The following DOCK1 variants were observed in gnomAD, a reference collection of about 807,000 sequenced individuals.
DOCK1 encodes dedicator of cytokinesis 1.
DOCK1 carries 138 observed loss-of-function variants against 262.7 expected under a neutral mutation model. The observed-to-expected ratio is 0.53, with a 90% CI of 0.46 to 0.61. The LOEUF (loss-of-function observed/expected upper bound fraction) is 0.61. Among genes scored for constraint, DOCK1 ranks in the 20% least tolerant of loss-of-function variants. The pLI is 0.00. For missense variants in DOCK1, 1,908 were observed against 2,370.7 expected, an observed-to-expected ratio of 0.80 and a Z score of 4.05; for synonymous variants, 866 against 867.4, an observed-to-expected ratio of 1.00 and a Z score of 0.03.
intron 4 of DOCK1, 108 bp from the exon 5 acceptor site, chr10:126,987,413 A>G (rs2039483895): frequency 2.5e-6 from 2 of 786,236 alleles, no homozygotes; most frequent in Non-Finnish European, 4.1e-6. Context: ...TTTTCTTCCC[A>G]TTTGCTTAAT....
chr10:127,353,552 C>G (rs1357736224), intron 31 of DOCK1, among the ~76,000 whole-genome samples: 1 of 152,238 alleles, frequency 6.6e-6, no homozygotes, highest in African/African-American at 2.4e-5. Context: ...ATGCCCCCTC[C>G]TTAACCGAGT....
At chr10:127,389,628 T>C (rs915153630) in intron 38 of DOCK1, among the ~76,000 whole-genome samples, 8 of 152,202 alleles carry the variant, frequency 5.3e-5, no homozygotes, top group African/African-American at 1.9e-4. Flanking sequence ...AGGTGGGGCC[T>C]GGTGGGAGGT....
intron 29 of DOCK1, among the ~76,000 whole-genome samples, chr10:127,335,975 C>CA (rs1437692942): frequency 6.6e-6 from 1 of 151,876 alleles, no homozygotes; most frequent in Non-Finnish European, 1.5e-5. Flanking sequence ...CTTGGCCTCC[C>CA]AAAGTGCTGG....
intron 1 of DOCK1, among the ~76,000 whole-genome samples, chr10:126,921,551 G>A (rs921322420): frequency 9.9e-5 from 15 of 152,198 alleles, no homozygotes; most frequent in African/African-American, 3.6e-4. Context: ...CCGGGACTAG[G>A]GGAGGGCGTG....
intron 47 of DOCK1, among the ~76,000 whole-genome samples, chr10:127,428,243 T>C (rs1356877289): frequency 1.3e-5 from 2 of 152,248 alleles, no homozygotes; most frequent in East Asian, 3.8e-4. Context: ...TTCTCAGTCA[T>C]TTAATGTATA....
intron 35 of DOCK1, among the ~76,000 whole-genome samples, chr10:127,378,499 A>G (rs1046011224): frequency 1.3e-5 from 2 of 152,144 alleles, no homozygotes; most frequent in East Asian, 1.9e-4. Context: ...AAGGTTTTAT[A>G]TAGAAATTGG....
intron 27 of DOCK1, among the ~76,000 whole-genome samples, chr10:127,232,815 A>T (rs927885583): frequency 6.6e-6 from 1 of 152,238 alleles, no homozygotes; most frequent in Non-Finnish European, 1.5e-5. Context: ...TGTGAAAAAC[A>T]TACTCAGTTT....
intron 2 of DOCK1, among the ~76,000 whole-genome samples, chr10:126,976,554 G>A (rs1397106624): frequency 6.6e-6 from 1 of 152,128 alleles, no homozygotes; most frequent in African/African-American, 2.4e-5. Flanking sequence ...CAGTTGCTGT[G>A]ACAATGGCCC....
At chr10:127,067,343 C>T (rs1157382936) in intron 23 of DOCK1, among the ~76,000 whole-genome samples, 1 of 152,174 alleles carries the variant, frequency 6.6e-6, no homozygotes, top group East Asian at 1.9e-4. Flanking sequence ...AATATTACTA[C>T]CTTCCCTTAG....
intron 30 of DOCK1, among the ~76,000 whole-genome samples, chr10:127,342,852 TTTTCC>T (rs2063491774): frequency 6.6e-6 from 1 of 152,210 alleles, no homozygotes; most frequent in African/African-American, 2.4e-5. Context: ...TTTACATTTG[TTTTCC>T]TTGTCTAGTG....
intron 7 of DOCK1, 58 bp downstream of exon 7, chr10:126,996,941 T>C (rs901561830): frequency 6.7e-6 from 10 of 1,492,268 alleles, no homozygotes; most frequent in South Asian, 1.4e-5. Flanking sequence ...TTTTCAACAT[T>C]AGTAAAGTAT....
chr10:127,143,743 G>T (rs946412096), intron 27 of DOCK1, among the ~76,000 whole-genome samples: 1 of 152,188 alleles, frequency 6.6e-6, no homozygotes, highest in Non-Finnish European at 1.5e-5. Context: ...CCCCTTGCAT[G>T]GGAGGTGAAT....
chr10:127,266,259 G>A (rs898749383), intron 29 of DOCK1, among the ~76,000 whole-genome samples: 2 of 152,130 alleles, frequency 1.3e-5, no homozygotes, highest in African/African-American at 4.8e-5. Context: ...AGAAACTCTT[G>A]GATTATTACT....
chr10:127,229,862 G>A (rs1389917447), intron 27 of DOCK1, among the ~76,000 whole-genome samples: 2 of 152,018 alleles, frequency 1.3e-5, no homozygotes, highest in Non-Finnish European at 2.9e-5. Context: ...AGCACACAGG[G>A]GCTCCCGTTT....
At chr10:126,941,684 G>C (rs1012988333) in intron 1 of DOCK1, among the ~76,000 whole-genome samples, 6 of 152,188 alleles carry the variant, frequency 3.9e-5, no homozygotes, top group African/African-American at 9.6e-5. Flanking sequence ...GAACCCGGGA[G>C]GCGGAGCTTG....
At chr10:127,329,741 A>G (rs1448173918) in intron 29 of DOCK1, among the ~76,000 whole-genome samples, 2 of 152,192 alleles carry the variant, frequency 1.3e-5, no homozygotes, top group East Asian at 1.9e-4. Context: ...AAATCCGTCA[A>G]CATTTATTTT....
At chr10:127,185,670 G>A (rs769640652) in intron 27 of DOCK1, among the ~76,000 whole-genome samples, 4 of 152,094 alleles carry the variant, frequency 2.6e-5, no homozygotes, top group Non-Finnish European at 4.4e-5. Context: ...AACATGAGTA[G>A]GAATTAGAGA....
intron 27 of DOCK1, among the ~76,000 whole-genome samples, chr10:127,214,764 C>T (rs1049180324): frequency 3.3e-5 from 5 of 152,116 alleles, no homozygotes; most frequent in African/African-American, 7.2e-5. Context: ...AACAGAGGCC[C>T]CCAGTGTTTC....
intron 32 of DOCK1, among the ~76,000 whole-genome samples, chr10:127,361,758 T>C (rs1269693689): frequency 6.6e-6 from 1 of 152,216 alleles, no homozygotes; most frequent in Non-Finnish European, 1.5e-5. Flanking sequence ...GTTCTGAATC[T>C]GTGTGATGGA....
Sources: allele counts gnomAD v4.1 joint callset (sites outside exome capture counted in the v4.1 genomes callset), GRCh38; gene constraint gnomAD v4.1.1; transcripts MANE v1.5; gene names NCBI Gene and HGNC (gene_info 2026-07-23, HGNC 2026-07-21).